SMARCAL1: variants seen among roughly 807,000 people sequenced by gnomAD.
SMARCAL1 encodes the protein ATP-driven annealing helicase.
In SMARCAL1, 58 loss-of-function variants were observed where a neutral mutation model predicts 94.5. That is an observed-to-expected ratio of 0.61 (90% confidence interval 0.50 to 0.76). The LOEUF is 0.76. SMARCAL1 is among the 30% of genes least tolerant of loss of function. The probability of loss-of-function intolerance (pLI) is 0.00; values close to 1 mark genes in which losing one functional copy is unlikely to be tolerated. For missense variants in SMARCAL1, 1,051 were observed against 1,177.9 expected, an observed-to-expected ratio of 0.89 and a Z score of 1.58; for synonymous variants, 422 against 455.1, an observed-to-expected ratio of 0.93 and a Z score of 0.93.
chr2:216,463,720 C>G (rs1694761294), intron 12 of SMARCAL1, among the ~76,000 whole-genome samples: 1 of 152,032 alleles, frequency 6.6e-6, no homozygotes, highest in Non-Finnish European at 1.5e-5. Context: ...GGAGGTATAC[C>G]AAGAACACCT....
chr2:216,426,297 G>A (rs545185269), intron 6 of SMARCAL1, among the ~76,000 whole-genome samples: 5 of 152,316 alleles, frequency 3.3e-5, no homozygotes, highest in South Asian at 4.1e-4. Context: ...GACATTTACA[G>A]CATTAGTAGA....
chr2:216,416,243 CTG>C lies in SMARCAL1; in HGVS notation c.812-12_812-11del. 6.2e-7 allele frequency: 1 copy of C among 1,612,784 alleles called. No homozygotes were observed. Among genetic ancestry groups the C allele is most frequent in the Middle Eastern group, 1.7e-4 (1 of 6,058 alleles). Reference sequence around the variant, plus strand: ...CAAATTGTCAACAGTCATCAGTCCTCTGTTTTGTTTCAGATCCTGACACCAAG... The same window carrying C: ...CAAATTGTCAACAGTCATCAGTCCTCTTTTGTTTCAGATCCTGACACCAAG... On this transcript the variant is annotated splice_polypyrimidine_tract_variant and intron_variant, in intron 3 of 17. Transcript: ENST00000357276.
chr2:216,418,978 AT>A (rs1481934968), intron 4 of SMARCAL1, among the ~76,000 whole-genome samples: 2 of 152,192 alleles, frequency 1.3e-5, no homozygotes, highest in Non-Finnish European at 2.9e-5. Flanking sequence ...TGTCTTATGA[AT>A]GTGTCATACA....
chr2:216,444,768 C>T (rs1476149588), intron 10 of SMARCAL1, among the ~76,000 whole-genome samples: 2 of 152,222 alleles, frequency 1.3e-5, no homozygotes, highest in African/African-American at 2.4e-5. Flanking sequence ...CCGCCTGCCT[C>T]AGCCTCCCAA....
rs1347610184 is a variant in SMARCAL1 at position 216,478,281 on chromosome 2, C to T, written c.2607C>T (p.Ser869=). ...SETNFSEMTE[S]TDYLYKDPKQ... is the part of the protein sequence containing the mutation. Reference sequence around the variant, plus strand: ...CCAATTTTTCAGAAATGACAGAATCCACTGATTACCTCTACAAGGTAATGC... The same window carrying T: ...CCAATTTTTCAGAAATGACAGAATCTACTGATTACCTCTACAAGGTAATGC... Residue 869 remains serine, a synonymous_variant, in exon 17 of 18, where the codon TCC becomes TCT. Transcript: ENST00000357276. 2 of 1,613,444 alleles carry T rather than the reference C, an allele frequency of 1.2e-6. No individual in the cohort carries two copies. The highest frequency in any genetic ancestry group is 2.2e-5 in the South Asian group (2 of 91,060).
rs1235192961 is a variant in SMARCAL1 at position 216,475,334 on chromosome 2, G to A, written c.2310G>A (p.Gln770=). 6.2e-7 allele frequency: 1 copy of A among 1,614,236 alleles called. No homozygotes were observed. The highest frequency in any genetic ancestry group is 1.1e-5 in the South Asian group (1 of 91,080). Residue 770 remains glutamine, a synonymous_variant, in exon 15 of 18, where the codon CAG becomes CAA. Transcript: ENST00000357276. The surrounding 1 kb of genome is among the most constrained non-coding windows in gnomAD (Gnocchi z 4.4). ...CTGAGCGGGAGGACCTGTGCCAGCAGTTCCAACTGTCGGAGAGGCATGCTG... is the reference window on the plus strand; with the variant it reads ...CTGAGCGGGAGGACCTGTGCCAGCAATTCCAACTGTCGGAGAGGCATGCTG... ...SSAEREDLCQ[Q]FQLSERHAVA... is the part of the protein sequence containing the mutation.
chr2:216,449,570 C>T (rs768649507), intron 11 of SMARCAL1, among the ~76,000 whole-genome samples: 1 of 152,204 alleles, frequency 6.6e-6, no homozygotes. Context: ...TATTCCTCCA[C>T]CTTTGACCAT....
intron 14 of SMARCAL1, among the ~76,000 whole-genome samples, chr2:216,474,280 C>T (rs1208882160): frequency 2.0e-5 from 3 of 149,778 alleles, no homozygotes; most frequent in African/African-American, 7.3e-5. Flanking sequence ...GCTGGGATTA[C>T]AGGCGCACAC....
At chr2:216,470,824 T>C (rs1472572373) in intron 14 of SMARCAL1, among the ~76,000 whole-genome samples, 2 of 88,320 alleles carry the variant, frequency 2.3e-5, no homozygotes, top group South Asian at 4.1e-4. Context: ...ATACTGTTAC[T>C]CCCAAGAACA....
At chr2:216,449,861 AGAGTCTTG>A (rs1694404732) in intron 11 of SMARCAL1, among the ~76,000 whole-genome samples, 1 of 151,384 alleles carries the variant, frequency 6.6e-6, no homozygotes, top group South Asian at 2.1e-4. Context: ...TTTTTGAGAC[AGAGTCTTG>A]CTCTGTTGCC....
chr2:216,425,953 C>G (rs1266152740), intron 6 of SMARCAL1, among the ~76,000 whole-genome samples: 2 of 152,218 alleles, frequency 1.3e-5, no homozygotes, highest in Non-Finnish European at 1.5e-5. Flanking sequence ...GGACCCACCC[C>G]TGTCTGCCTA....
chr2:216,428,242 T>C (rs544135448), intron 6 of SMARCAL1, among the ~76,000 whole-genome samples: 1 of 152,338 alleles, frequency 6.6e-6, no homozygotes, highest in South Asian at 2.1e-4. Flanking sequence ...TTCAGCCTCC[T>C]TCTCCCAAGA....
rs755954845 is a variant in SMARCAL1 at position 216,475,228 on chromosome 2, G to A, written c.2245-41G>A. The A allele has an allele frequency of 2.2e-5, 36 of 1,610,456 alleles. No homozygotes were observed. Among genetic ancestry groups the A allele is most frequent in the Non-Finnish European group, 2.7e-5 (32 of 1,178,140 alleles). On this transcript the variant is annotated intron_variant, in intron 14 of 17. Transcript: ENST00000357276. This position sits in a 1 kb window ranked among gnomAD's most constrained non-coding sequence, Gnocchi z 4.4. ...GGGTGTGGTTTGCTGAGAAGCCCCC[G>A]GGGCTGTTGCCCACCTTGCTTCTGC...
chr2:216,457,860 A>G (rs1170166979), intron 12 of SMARCAL1, among the ~76,000 whole-genome samples: 1 of 152,238 alleles, frequency 6.6e-6, no homozygotes, highest in East Asian at 1.9e-4. Flanking sequence ...GGAGATAGAG[A>G]CACAAAAAAC....
intron 11 of SMARCAL1, among the ~76,000 whole-genome samples, chr2:216,449,844 C>CT (rs200358087): frequency 0.099 from 14,462 of 146,500 alleles, 834 homozygotes; most frequent in South Asian, 0.19. Flanking sequence ...GTAATGGCTT[C>CT]TTTTTTTTTT....
At chr2:216,470,861 A>G (rs1225440623) in intron 14 of SMARCAL1, among the ~76,000 whole-genome samples, 1 of 147,390 alleles carries the variant, frequency 6.8e-6, no homozygotes, top group Non-Finnish European at 1.5e-5. Context: ...AAAAAAAAAA[A>G]AAAAAGCAGG....
At chr2:216,459,820 C>G (rs1376833940) in intron 12 of SMARCAL1, among the ~76,000 whole-genome samples, 1 of 151,560 alleles carries the variant, frequency 6.6e-6, no homozygotes, top group African/African-American at 2.4e-5. Context: ...GCAACAAAAG[C>G]CAAAATTGAC....
At chr2:216,453,750 T>A (rs2106058485) in intron 12 of SMARCAL1, among the ~76,000 whole-genome samples, 1 of 152,362 alleles carries the variant, frequency 6.6e-6, no homozygotes. Flanking sequence ...GTCCCAAGTT[T>A]CCTTGCAATT....
At chr2:216,471,086 A>G (rs1694956258) in intron 14 of SMARCAL1, among the ~76,000 whole-genome samples, 1 of 151,670 alleles carries the variant, frequency 6.6e-6, no homozygotes, top group Non-Finnish European at 1.5e-5. Context: ...TCCGTTTTCA[A>G]TTTCTTCAAC....
Sources: gnomAD v4.1 joint callset for allele counts (sites outside exome capture counted in the v4.1 genomes callset) on GRCh38, gnomAD v4.1.1 for gene constraint, Gnocchi (gnomAD v3.1) non-coding constraint, MANE v1.5 for transcripts, NCBI Gene and HGNC (gene_info 2026-07-23, HGNC 2026-07-21) for gene names.